PCDHA8: variants seen among roughly 807,000 people sequenced by gnomAD.
The protein encoded by PCDHA8 is protocadherin alpha-8.
In PCDHA8, 53 loss-of-function variants were observed where a neutral mutation model predicts 61.8. The ratio of observed to expected loss-of-function variants is 0.86; its 90% CI spans 0.69 to 1.08. PCDHA8 has a LOEUF of 1.08. Ranked by LOEUF, PCDHA8 falls within the 50% of genes least tolerant of loss-of-function variation. PCDHA8 has a pLI of 0.00. For synonymous variants in PCDHA8, 618 were observed against 556.6 expected (o/e 1.11, Z -1.55); for missense variants, 1,293 against 1,245.0 (o/e 1.04, Z -0.58).
chr5:140,843,673 T>G lies in PCDHA8; in HGVS notation c.2352T>G (p.Asp784Glu). ...TTCCTCCTGATCTGGGATCAGTTGA[T>G]GTAGGCGAAGAGCAAGATTTAAATG... is the stretch of plus-strand genomic sequence containing the variant. ...PCLPPDLGSVDVGEEQDLNVD... is the reference protein window; with the variant it reads ...PCLPPDLGSVEVGEEQDLNVD... Residue 784 changes from aspartate to glutamate, a missense_variant, in exon 1 of 4, where the codon GAT (aspartate) becomes GAG (glutamate). Coordinates refer to ENST00000531613, the MANE Select transcript of PCDHA8 (RefSeq NM_018911.3). 6.3e-7 allele frequency: 1 copy of G among 1,592,546 alleles called. No homozygotes were observed. The highest frequency in any genetic ancestry group is 8.6e-7 in the Non-Finnish European group (1 of 1,162,320).
At position 140,842,325 on chromosome 5, in the gene PCDHA8, C is replaced by A; in HGVS notation, c.1004C>A (p.Thr335Asn). 2 of 1,607,094 alleles carry A rather than the reference C, an allele frequency of 1.2e-6. No individual in the cohort carries two copies. The highest frequency in any genetic ancestry group is 8.5e-7 in the Non-Finnish European group (1 of 1,173,912). The change falls in exon 1 of 4, where the codon ACC (threonine) becomes AAC (asparagine). Residue 335 changes from threonine (T) to asparagine (N), a missense_variant. Coordinates refer to ENST00000531613, the MANE Select transcript of PCDHA8 (RefSeq NM_018911.3). ...CATCCTCCCATGGCGGGTCATTGCA[C>A]CGTTTTAGTGAGAATTTTGGATAAA... ...KGHPPMAGHC[T>N]VLVRILDKND... is the part of the protein sequence containing the mutation.
intron 2 of PCDHA8, 146 bp downstream of exon 2, chr5:140,979,153 G>A (rs2096837239): frequency 2.8e-6 from 4 of 1,434,028 alleles, no homozygotes; most frequent in Non-Finnish European, 2.7e-6. Context: ...TTGTCCCCAT[G>A]TTTATTCCTT....
intron 1 of PCDHA8, chr5:140,852,643 C>A: frequency 2.1e-6 from 2 of 958,796 alleles, no homozygotes; most frequent in Non-Finnish European, 2.5e-6. Context: ...TGTCATTAAA[C>A]CTATCTATAT....
chr5:140,938,385 A>G (rs952402645), intron 1 of PCDHA8, among the ~76,000 whole-genome samples: 8 of 152,202 alleles, frequency 5.3e-5, no homozygotes, highest in Admixed American at 2.6e-4. Flanking sequence ...TAAATATTTA[A>G]TATGAAATAC....
chr5:140,870,334 G>T lies in PCDHA8; in HGVS notation c.2394+26619G>T, dbSNP rs180868237. The T allele has an allele frequency of 3.1e-6, 5 of 1,614,166 alleles. No individual in the cohort carries two copies. The highest frequency in any genetic ancestry group is 1.7e-5 in the Admixed American group (1 of 60,020). ...TTACTACTCGTTGGTGCTGGACAGCGCCCTGGACCGCGAGAACGTGTGGGC... is the reference window on the plus strand; with the variant it reads ...TTACTACTCGTTGGTGCTGGACAGCTCCCTGGACCGCGAGAACGTGTGGGC... On this transcript the variant is annotated intron_variant, in intron 1 of 3. Transcript: ENST00000531613.
intron 3 of PCDHA8, among the ~76,000 whole-genome samples, chr5:140,994,216 G>A (rs2097604981): frequency 6.6e-6 from 1 of 152,178 alleles, no homozygotes; most frequent in Non-Finnish European, 1.5e-5. Flanking sequence ...GGGACCCAGG[G>A]TCTGTCTATG....
At position 140,843,553 on chromosome 5, in the gene PCDHA8, G is replaced by T; in HGVS notation, c.2232G>T (p.Ala744=). Residue 744 remains alanine, a synonymous_variant, in exon 1 of 4, where the codon GCG becomes GCT. Transcript: ENST00000531613. ...AGKPTLVCSS[A]VGSWSYSQQQ... is the part of the protein sequence containing the mutation. ...AGCCCACTCTGGTGTGCTCCAGTGC[G>T]GTGGGGAGCTGGTCATACTCGCAAC... 6.3e-7 allele frequency: 1 copy of T among 1,595,928 alleles called. No homozygotes were observed. Among genetic ancestry groups the T allele is most frequent in the African/African-American group, 1.3e-5 (1 of 74,508 alleles).
chr5:140,870,642 C>A (rs373909591), intron 1 of PCDHA8: 2 of 1,612,746 alleles, frequency 1.2e-6, no homozygotes, highest in African/African-American at 1.3e-5. Context: ...ACGCGGAGAG[C>A]GGCAAGGTGT....
At chr5:141,007,199 G>A (rs561958637) in intron 3 of PCDHA8, among the ~76,000 whole-genome samples, 3 of 152,036 alleles carry the variant, frequency 2.0e-5, no homozygotes, top group African/African-American at 7.2e-5. Flanking sequence ...TGATGGTGGG[G>A]GCCAGAATAT....
chr5:140,952,582 G>A (rs552541968), intron 1 of PCDHA8, among the ~76,000 whole-genome samples: 4 of 152,220 alleles, frequency 2.6e-5, no homozygotes, highest in East Asian at 3.9e-4. Context: ...AATCATTCAA[G>A]TAGTCTCTAG....
Position 140,996,899 on chromosome 5 carries a change from C to T in PCDHA8, c.2543-12728C>T, listed in dbSNP as rs529654978. Among the ~76,000 whole-genome samples, 7 of 152,226 alleles carry T rather than the reference C, an allele frequency of 4.6e-5. No individual in the cohort carries two copies. The South Asian group carries it at 1.4e-3, about 32-fold the overall frequency. ...TGTATTTTTAAATAAAATAGAATTA[C>T]ATTGTTGAAGTAAATATTAAAAAAT... is the stretch of plus-strand genomic sequence containing the variant. On this transcript the variant is annotated intron_variant, in intron 3 of 3. Transcript: ENST00000531613.
intron 1 of PCDHA8, among the ~76,000 whole-genome samples, chr5:140,904,190 C>T (rs1292555686): frequency 6.6e-6 from 1 of 151,916 alleles, no homozygotes; most frequent in Non-Finnish European, 1.5e-5. Flanking sequence ...CCCTTCCCAC[C>T]CTTTCCCCCT....
chr5:140,980,428 G>A (rs868912779), intron 2 of PCDHA8, among the ~76,000 whole-genome samples: 5 of 152,028 alleles, frequency 3.3e-5, no homozygotes, highest in Admixed American at 2.6e-4. Flanking sequence ...TCAAGAGATC[G>A]AGACCATCCT....
chr5:140,939,886 T>C (rs1165679302), intron 1 of PCDHA8, among the ~76,000 whole-genome samples: 1 of 152,242 alleles, frequency 6.6e-6, no homozygotes, highest in Non-Finnish European at 1.5e-5. Flanking sequence ...AGTTGTGTTG[T>C]TCAAATATTC....
chr5:140,968,899 A>T (rs782594245), intron 1 of PCDHA8: 7 of 1,614,130 alleles, frequency 4.3e-6, no homozygotes, highest in Non-Finnish European at 5.1e-6. Flanking sequence ...TAATAATAGC[A>T]TTAAGCACAG....
rs199811254 is a variant in PCDHA8 at position 140,877,222 on chromosome 5, T to C, written c.2394+33507T>C. 9.3e-5 allele frequency: 150 copies of C among 1,613,562 alleles called. No homozygotes were observed. Among genetic ancestry groups the C allele is most frequent in the Admixed American group, 2.2e-4 (13 of 59,972 alleles). Reference sequence around the variant, plus strand: ...CGCAGTTAGCGAGTTGGTACCGCGGTCGGTGGGTGCGGGCCACGTGGTGGC... The same window carrying C: ...CGCAGTTAGCGAGTTGGTACCGCGGCCGGTGGGTGCGGGCCACGTGGTGGC... On this transcript the variant is annotated intron_variant, in intron 1 of 3. Transcript: ENST00000531613.
chr5:140,931,693 A>G (rs1001252056), intron 1 of PCDHA8, among the ~76,000 whole-genome samples: 1 of 152,004 alleles, frequency 6.6e-6, no homozygotes, highest in African/African-American at 2.4e-5. Context: ...ATTGTGATTC[A>G]TAAAACCATG....
chr5:140,928,177 A>G lies in PCDHA8; in HGVS notation c.2395-50772A>G, dbSNP rs781987562. Reference sequence around the variant, plus strand: ...TGGCTCACCCCCACTTAGCACCCGAAGGACAATCACTGTGTCAGTTGCTGA... The same window carrying G: ...TGGCTCACCCCCACTTAGCACCCGAGGGACAATCACTGTGTCAGTTGCTGA... On this transcript the variant is annotated intron_variant, in intron 1 of 3. Transcript: ENST00000531613. 8.7e-6 allele frequency: 14 copies of G among 1,614,218 alleles called. No homozygotes were observed. The East Asian group carries it at 2.7e-4, about 31-fold the overall frequency.
At chr5:140,919,306 A>T (rs1407810868) in intron 1 of PCDHA8, among the ~76,000 whole-genome samples, 1 of 152,150 alleles carries the variant, frequency 6.6e-6, no homozygotes, top group Non-Finnish European at 1.5e-5. Context: ...TGTACAATAT[A>T]TGTTTTCCCA....
Sources: allele counts gnomAD v4.1 joint callset (sites outside exome capture counted in the v4.1 genomes callset), GRCh38; gene constraint gnomAD v4.1.1; transcripts MANE v1.5; gene names NCBI Gene and HGNC (gene_info 2026-07-23, HGNC 2026-07-21).